The following LIN28B variants were observed in gnomAD, a reference collection of about 807,000 sequenced individuals.
The protein encoded by LIN28B is lin-28 RNA binding posttranscriptional regulator B, also known as protein lin-28 homolog B.
LIN28B carries 5 observed loss-of-function variants against 21.9 expected under a neutral mutation model. The ratio of observed to expected loss-of-function variants is 0.23; its 90% CI spans 0.12 to 0.48. LIN28B has a LOEUF of 0.48. Ranked by LOEUF, LIN28B falls within the 20% of genes least tolerant of loss-of-function variation. LIN28B has a pLI of 0.98. For missense variants in LIN28B, 245 were observed against 310.5 expected, an observed-to-expected ratio of 0.79 and a Z score of 1.58; for synonymous variants, 109 against 111.3, an observed-to-expected ratio of 0.98 and a Z score of 0.13.
chr6:105,030,774 T>A (rs1771407729), intron 3 of LIN28B, among the ~76,000 whole-genome samples: 1 of 151,748 alleles, frequency 6.6e-6, no homozygotes, highest in Admixed American at 6.6e-5. Flanking sequence ...TTTTGTATTT[T>A]TAATAGAGAT....
upstream of LIN28B, among the ~76,000 whole-genome samples, chr6:104,956,631 T>G (rs992481670): frequency 6.6e-6 from 1 of 152,220 alleles, no homozygotes; most frequent in Non-Finnish European, 1.5e-5. Flanking sequence ...TATATTTTCC[T>G]CTAAGAATTG....
In LIN28B at chr6:105,039,999, C is replaced by T. The variant is rs1352084885; in HGVS notation, c.383+13517C>T. 3.3e-5 allele frequency among the ~76,000 whole-genome samples: 5 copies of T among 152,112 alleles called. No homozygotes were observed. The East Asian group carries it at 9.6e-4, about 29-fold the overall frequency. On this transcript the variant is annotated intron_variant, in intron 3 of 3. Coordinates refer to ENST00000345080, the MANE Select transcript of LIN28B (RefSeq NM_001004317.4). ...ATAGCTTTAATATTTCAAGTTTAGT[C>T]TGATGTTTGCTATTGTTTTTCAGTA...
chr6:105,046,662 A>G (rs1771772200), intron 3 of LIN28B, among the ~76,000 whole-genome samples: 1 of 152,062 alleles, frequency 6.6e-6, no homozygotes, highest in Non-Finnish European at 1.5e-5. Context: ...ATTTCTCCAC[A>G]TCCTCTCCAG....
At chr6:105,016,315 AT>A (rs2114318239) in intron 2 of LIN28B, among the ~76,000 whole-genome samples, 1 of 152,306 alleles carries the variant, frequency 6.6e-6, no homozygotes, top group East Asian at 1.9e-4. Context: ...AAGAAGTTTT[AT>A]AGTAAATTTT....
chr6:105,022,611 CAG>C (rs1162256503), intron 2 of LIN28B, among the ~76,000 whole-genome samples: 15 of 151,966 alleles, frequency 9.9e-5, no homozygotes, highest in African/African-American at 3.4e-4. Flanking sequence ...CTTACTGACT[CAG>C]AGTCAAACAA....
At chr6:105,057,786 A>G (rs558367218) in intron 3 of LIN28B, among the ~76,000 whole-genome samples, 1 of 152,286 alleles carries the variant, frequency 6.6e-6, no homozygotes, top group South Asian at 2.1e-4. Context: ...TTATATGTAT[A>G]TAGAGATTAC....
intron 3 of LIN28B, among the ~76,000 whole-genome samples, chr6:105,077,419 A>G (rs559760151): frequency 3.3e-5 from 5 of 152,150 alleles, no homozygotes; most frequent in African/African-American, 1.2e-4. Flanking sequence ...TTCTTCCACT[A>G]ATGGTTTTTT....
intron 3 of LIN28B, among the ~76,000 whole-genome samples, chr6:105,051,405 C>G (rs367820361): frequency 6.8e-6 from 1 of 147,620 alleles, no homozygotes; most frequent in African/African-American, 2.7e-5. Context: ...TGCCATTGCA[C>G]TCCAGCCTGG....
At chr6:105,035,440 A>G (rs575860113) in intron 3 of LIN28B, among the ~76,000 whole-genome samples, 1 of 152,100 alleles carries the variant, frequency 6.6e-6, no homozygotes, top group Non-Finnish European at 1.5e-5. Flanking sequence ...AGGTCTGTCT[A>G]TTCTGACCTA....
At chr6:104,938,782 C>T (rs937693293) in intron 2 of LIN28B, among the ~76,000 whole-genome samples, 6 of 152,116 alleles carry the variant, frequency 3.9e-5, no homozygotes, top group African/African-American at 4.8e-5. Context: ...TGTTCATCAT[C>T]GCCCCTTTCG....
intron 2 of LIN28B, among the ~76,000 whole-genome samples, chr6:104,976,630 G>A (rs748566713): frequency 7.2e-5 from 11 of 152,194 alleles, no homozygotes; most frequent in Non-Finnish European, 1.5e-4. Context: ...TTTAGTTGCA[G>A]GGAAGGCTTT....
chr6:105,033,256 T>G (rs1039049682), intron 3 of LIN28B, among the ~76,000 whole-genome samples: 1 of 152,150 alleles, frequency 6.6e-6, no homozygotes, highest in Admixed American at 6.6e-5. Flanking sequence ...GGTTAAAAAT[T>G]GAAATTTCAA....
intron 2 of LIN28B, among the ~76,000 whole-genome samples, chr6:104,992,516 T>TG (rs1562084946): frequency 0.034 from 1,542 of 45,352 alleles, 9 homozygotes; most frequent in South Asian, 0.082. Flanking sequence ...GTGTGTGTGT[T>TG]TTTTTTTTAA....
rs1406186803 is a variant in LIN28B, at chr6:104,966,187, G to GA, written c.198+7909dup. 1.3e-4 allele frequency among the ~76,000 whole-genome samples: 20 copies of GA among 151,990 alleles called. No homozygotes were observed. The South Asian group carries it at 3.5e-3, about 27-fold the overall frequency. On this transcript the variant is annotated intron_variant, in intron 2 of 3. Coordinates refer to ENST00000345080, the MANE Select transcript of LIN28B (RefSeq NM_001004317.4). Reference sequence around the variant, plus strand: ...AAGGAGAAGTAGTGTGGTATTGTGAGAAAAAAAACCATGGGAATGAGTGTT... The same window carrying GA: ...AAGGAGAAGTAGTGTGGTATTGTGAGAAAAAAAAACCATGGGAATGAGTGTT...
chr6:104,946,568 G>A (rs577500123), intron 2 of LIN28B, among the ~76,000 whole-genome samples: 19 of 152,104 alleles, frequency 1.2e-4, no homozygotes, highest in Non-Finnish European at 2.1e-4. Context: ...TTTGATGTGT[G>A]TGTGTGTTAT....
At chr6:105,026,525 G>C (rs750087280) in intron 3 of LIN28B, 43 bp downstream of exon 3, 1 of 1,308,544 alleles carries the variant, frequency 7.6e-7, no homozygotes, top group East Asian at 2.4e-5. Flanking sequence ...TATTGTGTTT[G>C]GAAAGGATTT....
At chr6:104,978,116 G>A (rs1419866638) in intron 2 of LIN28B, among the ~76,000 whole-genome samples, 2 of 152,034 alleles carry the variant, frequency 1.3e-5, no homozygotes, top group Non-Finnish European at 1.5e-5. Context: ...AGTTATATAC[G>A]GTAAACTGTA....
intron 2 of LIN28B, among the ~76,000 whole-genome samples, chr6:104,977,071 T>C (rs751058517): frequency 3.6e-4 from 55 of 152,232 alleles, no homozygotes; most frequent in Non-Finnish European, 7.1e-4. Context: ...CTCTTTCAGG[T>C]TGAAGTACAG....
intron 3 of LIN28B, among the ~76,000 whole-genome samples, chr6:104,951,932 C>T (rs1035801799): frequency 6.6e-6 from 1 of 152,180 alleles, no homozygotes; most frequent in African/African-American, 2.4e-5. Flanking sequence ...GCTTCTCACA[C>T]ATGCTGATTT....
Sources: gnomAD v4.1 joint callset for allele counts (sites outside exome capture counted in the v4.1 genomes callset) on GRCh38, gnomAD v4.1.1 for gene constraint, MANE v1.5 for transcripts, NCBI Gene and HGNC (gene_info 2026-07-23, HGNC 2026-07-21) for gene names.